Variants in ZMYM4 observed in about 807,000 individuals in gnomAD.
The protein encoded by ZMYM4 is zinc finger MYM-type containing 4.
A neutral mutation model predicts 183.2 loss-of-function variants in ZMYM4; 31 were observed. The ratio of observed to expected loss-of-function variants is 0.17; its 90% CI spans 0.13 to 0.23. The LOEUF is 0.23. ZMYM4 is among the 10% of genes least tolerant of loss of function. The pLI is 1.00. For missense variants in ZMYM4, 1,273 were observed against 1,840.3 expected (o/e 0.69, Z 5.64); for synonymous variants, 592 against 631.2 (o/e 0.94, Z 0.93).
intron 17 of ZMYM4, among the ~76,000 whole-genome samples, chr1:35,393,189 G>A (rs1290219324): frequency 3.3e-5 from 5 of 152,084 alleles, no homozygotes; most frequent in African/African-American, 4.8e-5. Flanking sequence ...TAACTTTCAC[G>A]TTGTCTTTAT....
At position 35,279,274 on chromosome 1, in the gene ZMYM4, C is replaced by G. The variant is rs148563130; in HGVS notation, c.39+10189C>G. On this transcript the variant is annotated intron_variant, in intron 1 of 29. Coordinates refer to ENST00000314607, the MANE Select transcript of ZMYM4 (RefSeq NM_005095.3). ...TAAAAAATTTTGTCCCATCTCTGTTCCTTTCAGTACAGGCTGACAGCATTT... is the reference window on the plus strand; with the variant it reads ...TAAAAAATTTTGTCCCATCTCTGTTGCTTTCAGTACAGGCTGACAGCATTT... Among the ~76,000 whole-genome samples the G allele has an allele frequency of 3.5e-3, 528 of 152,344 alleles. 2 individuals carry two copies. Among genetic ancestry groups the G allele is most frequent in the Non-Finnish European group, 4.8e-3 (328 of 68,036 alleles).
intron 1 of ZMYM4, among the ~76,000 whole-genome samples, chr1:35,288,399 C>T (rs77905295): frequency 0.072 from 10,990 of 152,150 alleles, 1,025 homozygotes; most frequent in African/African-American, 0.21. Context: ...TTTCCTGTGG[C>T]GAAAGGCAGC....
chr1:35,412,758 C>G (rs994340813), intron 26 of ZMYM4, among the ~76,000 whole-genome samples: 4 of 152,050 alleles, frequency 2.6e-5, no homozygotes, highest in Admixed American at 2.0e-4. Flanking sequence ...TGTTGAACAA[C>G]AAACTGTAAT....
intron 2 of ZMYM4, among the ~76,000 whole-genome samples, chr1:35,356,640 A>AT (rs1320686132): frequency 6.6e-6 from 1 of 151,842 alleles, no homozygotes; most frequent in African/African-American, 2.4e-5. Flanking sequence ...TTTTCTGTTT[A>AT]TTTTTTCTAG....
At chr1:35,290,848 A>G (rs1640726870) in intron 1 of ZMYM4, among the ~76,000 whole-genome samples, 1 of 152,246 alleles carries the variant, frequency 6.6e-6, no homozygotes. Context: ...ATTATATCTC[A>G]ATAAAGCTGT....
At chr1:35,340,844 C>G (rs1490594133) in intron 2 of ZMYM4, among the ~76,000 whole-genome samples, 1 of 151,952 alleles carries the variant, frequency 6.6e-6, no homozygotes, top group Non-Finnish European at 1.5e-5. Flanking sequence ...AGTTTGGGTA[C>G]CCCTGCTATA....
chr1:35,381,427 T>C lies in ZMYM4; in HGVS notation c.1350T>C (p.Asn450=). ...CCAAATGCAGCATGTGTCAGAAGAA[T>C]GCTGTTGTAAGTTACCATTTTCCTT... ...ISTKCSMCQK[N]AVIRHEVNYQ... is the part of the protein sequence containing the mutation. The change falls in exon 8 of 30, where the codon AAT becomes AAC. Residue 450 remains asparagine (N), a synonymous_variant. Transcript: ENST00000314607. 1.2e-6 allele frequency: 2 copies of C among 1,607,596 alleles called. No individual in the cohort carries two copies. Among genetic ancestry groups the C allele is most frequent in the Non-Finnish European group, 1.7e-6 (2 of 1,175,438 alleles).
chr1:35,297,120 G>A (rs1204333681), intron 1 of ZMYM4, among the ~76,000 whole-genome samples: 4 of 151,696 alleles, frequency 2.6e-5, no homozygotes, highest in African/African-American at 4.8e-5. Flanking sequence ...AAAGTGCTGG[G>A]ATTACAAGCG....
chr1:35,317,053 T>C (rs1459875010), intron 1 of ZMYM4, among the ~76,000 whole-genome samples: 2 of 147,494 alleles, frequency 1.4e-5, no homozygotes, highest in African/African-American at 5.0e-5. Context: ...ATCTGGGAGG[T>C]GGAGGTTGCA....
At chr1:35,364,182 G>T (rs1038269072) in intron 5 of ZMYM4, among the ~76,000 whole-genome samples, 1 of 152,170 alleles carries the variant, frequency 6.6e-6, no homozygotes, top group Admixed American at 6.5e-5. Flanking sequence ...ATTATGGGAA[G>T]AACTTCCCCA....
chr1:35,305,624 G>A (rs1009332358), intron 1 of ZMYM4, among the ~76,000 whole-genome samples: 32 of 151,648 alleles, frequency 2.1e-4, no homozygotes, highest in African/African-American at 7.3e-4. Flanking sequence ...ACTTACTGCC[G>A]CCTCGAACTC....
At chr1:35,292,690 G>A (rs1369414094) in intron 1 of ZMYM4, among the ~76,000 whole-genome samples, 3 of 151,928 alleles carry the variant, frequency 2.0e-5, no homozygotes, top group Non-Finnish European at 4.4e-5. Context: ...AGTAGAGACC[G>A]GGTTTCACCA....
intron 5 of ZMYM4, among the ~76,000 whole-genome samples, chr1:35,365,581 G>A (rs1028649643): frequency 3.3e-5 from 5 of 151,986 alleles, no homozygotes; most frequent in Non-Finnish European, 5.9e-5. Context: ...TTCAAATGTT[G>A]GGGCTCTTTT....
At chr1:35,388,454 T>C (rs1335558624) in intron 13 of ZMYM4, among the ~76,000 whole-genome samples, 2 of 152,016 alleles carry the variant, frequency 1.3e-5, no homozygotes, top group Admixed American at 6.5e-5. Flanking sequence ...ATCCACCCAC[T>C]TTGGCCTCCC....
intron 22 of ZMYM4, 93 bp from the exon 23 acceptor site, chr1:35,399,389 T>C (rs1644863180): frequency 6.1e-6 from 7 of 1,141,064 alleles, no homozygotes; most frequent in Non-Finnish European, 8.9e-6. Flanking sequence ...ATGAATATAG[T>C]GATGATTACC....
chr1:35,398,204 A>G (rs905968165), intron 20 of ZMYM4, among the ~76,000 whole-genome samples: 4 of 152,216 alleles, frequency 2.6e-5, no homozygotes, highest in African/African-American at 9.6e-5. Context: ...AGCACATGAT[A>G]CTAACCAGAA....
At chr1:35,409,113 G>C (rs1429914664) in intron 26 of ZMYM4, among the ~76,000 whole-genome samples, 6 of 152,154 alleles carry the variant, frequency 3.9e-5, no homozygotes, top group Non-Finnish European at 8.8e-5. Context: ...AATCAATATA[G>C]CATTCCTTTT....
intron 1 of ZMYM4, among the ~76,000 whole-genome samples, chr1:35,302,522 A>G (rs998215755): frequency 4.6e-5 from 7 of 151,218 alleles, no homozygotes; most frequent in Admixed American, 3.3e-4. Context: ...AGTAGCTGGA[A>G]CTATGGGTGC....
intron 2 of ZMYM4, among the ~76,000 whole-genome samples, chr1:35,338,957 G>A (rs1643087095): frequency 6.6e-6 from 1 of 152,056 alleles, no homozygotes. Flanking sequence ...TAATGTAGTT[G>A]AACGATAATA....
Sources: allele counts gnomAD v4.1 joint callset (sites outside exome capture counted in the v4.1 genomes callset), GRCh38; gene constraint gnomAD v4.1.1; transcripts MANE v1.5; gene names NCBI Gene and HGNC (gene_info 2026-07-23, HGNC 2026-07-21).